Variants in DNAH9 observed in about 807,000 individuals in gnomAD.
DNAH9 encodes the protein DNAH9 variant protein.
Under a neutral mutation model 471.6 loss-of-function variants are expected in DNAH9, and 345 were observed. That is an observed-to-expected ratio of 0.73 (90% CI 0.67 to 0.80). The LOEUF (loss-of-function observed/expected upper bound fraction) is 0.80, where lower values mean the gene tolerates loss of function less well. Among genes scored for constraint, DNAH9 ranks in the 30% least tolerant of loss-of-function variants. The pLI, the probability that DNAH9 is intolerant of heterozygous loss-of-function variation, is 0.00. For missense variants in DNAH9, 5,407 were observed against 5,609.2 expected, an observed-to-expected ratio of 0.96 and a Z score of 1.15; for synonymous variants, 2,093 against 2,123.6, an observed-to-expected ratio of 0.99 and a Z score of 0.40.
intron 1 of DNAH9, among the ~76,000 whole-genome samples, chr17:11,604,702 T>G (rs766709918): frequency 1.3e-5 from 2 of 152,144 alleles, no homozygotes; most frequent in Non-Finnish European, 2.9e-5. Context: ...GACCCTTTTT[T>G]TTTCTCTTGC....
chr17:11,778,904 G>A (rs963287812), intron 38 of DNAH9, among the ~76,000 whole-genome samples: 42 of 152,196 alleles, frequency 2.8e-4, no homozygotes, highest in East Asian at 1.9e-4. Flanking sequence ...TACTTGGGAG[G>A]CTGAGGCAGG....
At chr17:11,724,746 T>C (rs1367564061) in intron 27 of DNAH9, among the ~76,000 whole-genome samples, 3 of 152,232 alleles carry the variant, frequency 2.0e-5, no homozygotes, top group African/African-American at 7.2e-5. Flanking sequence ...ACCAGTTTCA[T>C]GGAAGACTAT....
At chr17:11,766,862 C>T (rs540118813) in intron 36 of DNAH9, among the ~76,000 whole-genome samples, 2 of 151,398 alleles carry the variant, frequency 1.3e-5, no homozygotes, top group Non-Finnish European at 2.9e-5. Flanking sequence ...CCCAGCTACT[C>T]GGGAGGCTGA....
rs747903750 is a variant in DNAH9, at chr17:11,626,042, T to G, written c.1351-3375T>G. Among the ~76,000 whole-genome samples, 2 of 152,182 alleles carry G rather than the reference T, an allele frequency of 1.3e-5. No individual in the cohort carries two copies. The highest frequency in any genetic ancestry group is 4.8e-5 in the African/African-American group (2 of 41,448). Reference sequence around the variant, plus strand: ...GTTAGGTGTCTTGCTTTAAGCCACATAGCTAGTAAATGATGGAACCAGAGT... The same window carrying G: ...GTTAGGTGTCTTGCTTTAAGCCACAGAGCTAGTAAATGATGGAACCAGAGT... On this transcript the variant is annotated intron_variant, in intron 6 of 68. Transcript: ENST00000262442. This position sits in a 1 kb window ranked among gnomAD's most constrained non-coding sequence, Gnocchi z 4.3.
chr17:11,844,168 T>C (rs1299888058), intron 49 of DNAH9, among the ~76,000 whole-genome samples: 1 of 151,824 alleles, frequency 6.6e-6, no homozygotes, highest in Admixed American at 6.6e-5. Flanking sequence ...AAGGTCTTTC[T>C]AAATGCAGAA....
At chr17:11,867,020 G>A (rs912396413) in intron 50 of DNAH9, among the ~76,000 whole-genome samples, 5 of 152,222 alleles carry the variant, frequency 3.3e-5, no homozygotes, top group Non-Finnish European at 7.3e-5. Context: ...ATGGTGCGCT[G>A]CACCCACTGA....
At chr17:11,917,562 T>C (rs1244481088) in intron 61 of DNAH9, among the ~76,000 whole-genome samples, 1 of 152,208 alleles carries the variant, frequency 6.6e-6, no homozygotes, top group African/African-American at 2.4e-5. Context: ...TCATCTCTCT[T>C]TTCTCATCAT....
chr17:11,612,102 T>C (rs983660985), intron 4 of DNAH9: 6 of 577,584 alleles, frequency 1.0e-5, no homozygotes, highest in South Asian at 2.2e-5. Context: ...GAAGAACTTA[T>C]TGACTTAACA....
chr17:11,642,752 A>C (rs1373340163), intron 10 of DNAH9, among the ~76,000 whole-genome samples: 1 of 152,152 alleles, frequency 6.6e-6, no homozygotes, highest in Non-Finnish European at 1.5e-5. Flanking sequence ...TACAAAACTG[A>C]GACCCGGGGT....
At chr17:11,656,458 T>A (rs2073650828) in intron 14 of DNAH9, among the ~76,000 whole-genome samples, 1 of 152,142 alleles carries the variant, frequency 6.6e-6, no homozygotes, top group African/African-American at 2.4e-5. Flanking sequence ...TTTAAAACAG[T>A]GTACCCAATA....
In DNAH9 at chr17:11,611,696, G is replaced by C; in HGVS notation, c.820G>C (p.Val274Leu). 1 of 1,613,896 alleles carries C rather than the reference G, an allele frequency of 6.2e-7. No homozygotes were observed. Among genetic ancestry groups the C allele is most frequent in the South Asian group, 1.1e-5 (1 of 91,080 alleles). Residue 274 changes from valine to leucine, a missense_variant, in exon 4 of 69, where the codon GTG (valine) becomes CTG (leucine). Val to Leu is a conservative substitution (Grantham distance 32). Around this residue, in one of 3 missense-constraint regions of DNAH9, gnomAD observed 767 missense variants for 692.5 expected, o/e 1.11. Transcript: ENST00000262442. ...YIYNQLRTITVRGMAKLLDKL... is the reference protein window; with the variant it reads ...YIYNQLRTITLRGMAKLLDKL... ...CTATAATCAACTGAGAACAATAACG[G>C]TGAGGGGCATGGCCAAGCTCCTGGA...
intron 41 of DNAH9, among the ~76,000 whole-genome samples, chr17:11,789,910 ATATTTAATTTCCACTATGATTTCTT>A: frequency 6.6e-6 from 1 of 152,028 alleles, no homozygotes; most frequent in East Asian, 1.9e-4. Flanking sequence ...TCAGTTGATA[ATATTTAATTTCCACTATGATTTCTT>A]CTTTGACTCA....
chr17:11,778,710 G>A (rs1487075356), intron 38 of DNAH9, among the ~76,000 whole-genome samples: 1 of 152,056 alleles, frequency 6.6e-6, no homozygotes, highest in Admixed American at 6.6e-5. Context: ...AAGCCACTTT[G>A]AAAATTAAAT....
intron 14 of DNAH9, among the ~76,000 whole-genome samples, chr17:11,661,522 G>T (rs897382977): frequency 2.0e-5 from 3 of 152,026 alleles, no homozygotes; most frequent in African/African-American, 7.2e-5. Context: ...ATTGTCACCT[G>T]CTTTTTGGGT....
intron 28 of DNAH9, among the ~76,000 whole-genome samples, chr17:11,737,450 G>T (rs1401756451): frequency 6.6e-6 from 1 of 151,402 alleles, no homozygotes; most frequent in Non-Finnish European, 1.5e-5. Context: ...TCAAAACCTT[G>T]CACCGGCCCC....
At chr17:11,790,571 ATCTCCC>A (rs1397422714) in intron 41 of DNAH9, among the ~76,000 whole-genome samples, 1 of 152,058 alleles carries the variant, frequency 6.6e-6, no homozygotes, top group Non-Finnish European at 1.5e-5. Context: ...TTTAAGGTAT[ATCTCCC>A]ATAAGCAGCA....
intron 61 of DNAH9, among the ~76,000 whole-genome samples, chr17:11,909,059 T>G (rs940748469): frequency 6.6e-6 from 1 of 152,242 alleles, no homozygotes; most frequent in African/African-American, 2.4e-5. Context: ...TTATGCTCCA[T>G]ACATTAGCAT....
intron 17 of DNAH9, among the ~76,000 whole-genome samples, chr17:11,671,175 T>G (rs192192664): frequency 2.2e-4 from 34 of 152,320 alleles, no homozygotes. Context: ...CCCTCTTCAT[T>G]GCTACGTCTG....
At chr17:11,611,578 C>A in intron 3 of DNAH9, 72 bp from the exon 4 acceptor site, 1 of 1,463,838 alleles carries the variant, frequency 6.8e-7, no homozygotes, top group South Asian at 1.2e-5. Flanking sequence ...TTCTGTGTGA[C>A]GATGGGTCAT....
Sources: allele counts gnomAD v4.1 joint callset (sites outside exome capture counted in the v4.1 genomes callset), GRCh38; gene constraint gnomAD v4.1.1; regional missense constraint gnomAD v4.1.1; non-coding constraint Gnocchi (gnomAD v3.1); transcripts MANE v1.5; gene names NCBI Gene and HGNC (gene_info 2026-07-23, HGNC 2026-07-21).